Variants in LRRC2 observed in about 807,000 individuals in gnomAD.
LRRC2 encodes leucine-rich repeat-containing protein 2.
A neutral mutation model predicts 40.2 loss-of-function variants in LRRC2; 27 were observed. That is an observed-to-expected ratio of 0.67 (90% CI 0.49 to 0.93). The LOEUF is 0.93. Ranked by LOEUF, LRRC2 falls within the 40% of genes least tolerant of loss-of-function variation. The probability of loss-of-function intolerance (pLI) is 0.00; values close to 1 mark genes in which losing one functional copy is unlikely to be tolerated. For missense variants in LRRC2, 402 were observed against 439.6 expected (o/e 0.91, Z 0.76); for synonymous variants, 147 against 158.9 (o/e 0.92, Z 0.56).
rs991001304 is a variant in LRRC2, at chr3:46,516,040, A to C, written c.*2974T>G. 2 of 148,186 alleles carry C rather than the reference A, an allele frequency of 1.3e-5. No individual in the cohort carries two copies. The highest frequency in any genetic ancestry group is 2.6e-5 in the African/African-American group (1 of 39,196). 9.2% of individuals were successfully genotyped at this position (148,186 alleles called of 1,614,324 possible). A position where few individuals can be genotyped will look rare whatever the true frequency, so the allele number is the denominator to read the frequency against. ...AATGGTGGGATCTCAGCTTACTGCA[A>C]CCTCTGCTTCCTGGGTTCAAGCAAT... is the stretch of plus-strand genomic sequence containing the variant. On this transcript the variant is annotated 3_prime_UTR_variant, in exon 9 of 9. Transcript: ENST00000395905.
Position 46,519,040 on chromosome 3 carries a change from T to C in LRRC2, c.1090A>G (p.Lys364Glu). The change falls in exon 9 of 9, where the codon AAA (lysine) becomes GAA (glutamate). Residue 364 changes from lysine to glutamate, a missense_variant. Physicochemically the swap from Lys to Glu is moderately conservative, Grantham distance 56 (BLOSUM62 1). Coordinates refer to ENST00000395905, the MANE Select transcript of LRRC2 (RefSeq NM_024512.5). The part of the protein sequence containing the change: ...ERESVPSYTT[K>E]VSFSLQL ...CAAAGTTGAAGGCTAAAAGACACTT[T>C]GGTGGTATAGCTGGGAACAGATTCT... 6.2e-7 allele frequency: 1 copy of C among 1,610,382 alleles called. No homozygotes were observed. The highest frequency in any genetic ancestry group is 8.5e-7 in the Non-Finnish European group (1 of 1,176,734).
At chr3:46,540,300 G>A (rs1424016345) in intron 3 of LRRC2, among the ~76,000 whole-genome samples, 2 of 152,136 alleles carry the variant, frequency 1.3e-5, no homozygotes, top group Non-Finnish European at 2.9e-5. Context: ...CAAGGCGGGT[G>A]AATCACCTGA....
chr3:46,519,092 A>G, intron 8 of LRRC2, 29 bp from the exon 9 acceptor site: 1 of 1,484,912 alleles, frequency 6.7e-7, no homozygotes, highest in Non-Finnish European at 9.4e-7. Flanking sequence ...AGTATGCTCA[A>G]TCATTCACCA....
intron 2 of LRRC2, among the ~76,000 whole-genome samples, chr3:46,546,678 A>G (rs574651182): frequency 4.6e-5 from 7 of 151,526 alleles, no homozygotes; most frequent in Non-Finnish European, 1.0e-4. Context: ...CAGTGGAGGG[A>G]CAACCCTCTC....
At chr3:46,519,229 C>T (rs546801484) in intron 8 of LRRC2, among the ~76,000 whole-genome samples, 166 bp from the exon 9 acceptor site, 1 of 125,144 alleles carries the variant, frequency 8.0e-6, no homozygotes, top group South Asian at 2.8e-4. Context: ...CATTTGTCAC[C>T]ATTAAGTAAG....
chr3:46,519,152 G>T, intron 8 of LRRC2, 89 bp from the exon 9 acceptor site: 1 of 849,092 alleles, frequency 1.2e-6, no homozygotes, highest in Non-Finnish European at 2.0e-6. Context: ...ATGAATGTAT[G>T]TCAATACACC....
At chr3:46,550,634 G>A (rs545401511) in intron 2 of LRRC2, among the ~76,000 whole-genome samples, 46 of 152,084 alleles carry the variant, frequency 3.0e-4, no homozygotes, top group Non-Finnish European at 2.2e-4. Context: ...CTTGTGATCC[G>A]CCTGCCTCGG....
At chr3:46,534,931 C>T (rs1020690813) in intron 4 of LRRC2, among the ~76,000 whole-genome samples, 1 of 152,170 alleles carries the variant, frequency 6.6e-6, no homozygotes, top group Non-Finnish European at 1.5e-5. Flanking sequence ...GCATCAGATC[C>T]TGCAGCTGAG....
At chr3:46,557,129 G>A (rs1159886610) in intron 1 of LRRC2, among the ~76,000 whole-genome samples, 3 of 152,158 alleles carry the variant, frequency 2.0e-5, no homozygotes, top group Non-Finnish European at 4.4e-5. Context: ...TGAAGTAACT[G>A]AAGAATCACA....
intron 1 of LRRC2, among the ~76,000 whole-genome samples, chr3:46,554,026 GT>G (rs112755431): frequency 1.3e-5 from 2 of 150,856 alleles, no homozygotes; most frequent in African/African-American, 2.4e-5. Flanking sequence ...TTTTTTTGTT[GT>G]TTTTTTTCCT....
intron 5 of LRRC2, among the ~76,000 whole-genome samples, chr3:46,530,512 G>A (rs4682820): frequency 0.12 from 19,016 of 152,148 alleles, 1,220 homozygotes; most frequent in African/African-American, 0.14. Context: ...CCCGGATAGC[G>A]GAGGTTGCAG....
At position 46,532,821 on chromosome 3, in the gene LRRC2, C is replaced by T. The variant is rs773953756; in HGVS notation, c.579G>A (p.Glu193=). The change falls in exon 5 of 9, where the codon GAG becomes GAA. Residue 193 remains glutamate (E), a synonymous_variant. Transcript: ENST00000395905. ...CTAGATTTCCAGAACAATCCAGTCT[C>T]TCTAGATTTTCACAATCTCCCAATT... is the stretch of plus-strand genomic sequence containing the variant. ...PPELGDCENL[E]RLDCSGNLEL... The T allele has an allele frequency of 1.9e-6, 3 of 1,613,954 alleles. No individual in the cohort carries two copies. Among genetic ancestry groups the T allele is most frequent in the Admixed American group, 1.7e-5 (1 of 60,018 alleles).
intron 5 of LRRC2, 88 bp from the exon 6 acceptor site, chr3:46,530,138 C>T (rs781437089): frequency 1.8e-6 from 2 of 1,086,818 alleles, no homozygotes; most frequent in African/African-American, 1.6e-5. Context: ...TATTTCTTCC[C>T]CAAAGGCATT....
At chr3:46,521,975 G>A (rs182611065) in intron 7 of LRRC2, among the ~76,000 whole-genome samples, 5 of 152,290 alleles carry the variant, frequency 3.3e-5, no homozygotes, top group Admixed American at 1.3e-4. Context: ...GCTGCATGTC[G>A]TCATGCAATG....
intron 3 of LRRC2, among the ~76,000 whole-genome samples, chr3:46,540,386 G>T (rs1327553806): frequency 6.6e-6 from 1 of 152,126 alleles, no homozygotes; most frequent in Non-Finnish European, 1.5e-5. Context: ...TTAGCTAGGT[G>T]TGGTGGCGTG....
chr3:46,554,168 C>T (rs1377160247), intron 1 of LRRC2, among the ~76,000 whole-genome samples: 4 of 152,036 alleles, frequency 2.6e-5, no homozygotes, highest in Admixed American at 6.5e-5. Flanking sequence ...TACAGACATG[C>T]GCCACTATGC....
chr3:46,538,997 C>T, intron 4 of LRRC2, 48 bp downstream of exon 4: 1 of 1,577,570 alleles, frequency 6.3e-7, no homozygotes, highest in Non-Finnish European at 8.6e-7. Context: ...CTGACAGCTG[C>T]CTGCTTAACA....
chr3:46,548,541 T>C (rs1308966604), intron 2 of LRRC2, among the ~76,000 whole-genome samples: 4 of 150,770 alleles, frequency 2.7e-5, no homozygotes, highest in Non-Finnish European at 4.4e-5. Flanking sequence ...AAATATGCAA[T>C]AAACATACAA....
Position 46,519,125 on chromosome 3 carries a change from G to A in LRRC2, c.1067-62C>T, listed in dbSNP as rs115049305. 46 of 1,124,116 alleles carry A rather than the reference G, an allele frequency of 4.1e-5. No homozygotes were observed. The African/African-American group carries it at 6.0e-4, about 15-fold the overall frequency. The allele number at this position is 1,124,116 out of a possible 1,614,324, so 69.6% of individuals were successfully genotyped here. A position where few individuals can be genotyped will look rare whatever the true frequency, so the allele number is the denominator to read the frequency against. ...CCATTTTATTATGAAATCTAGCTAC[G>A]TGCTATGACATACATAATGAATGTA... On this transcript the variant is annotated intron_variant, in intron 8 of 8. Coordinates refer to ENST00000395905, the MANE Select transcript of LRRC2 (RefSeq NM_024512.5).
Sources: gnomAD v4.1 joint callset for allele counts (sites outside exome capture counted in the v4.1 genomes callset) on GRCh38, gnomAD v4.1.1 for gene constraint, MANE v1.5 for transcripts, NCBI Gene and HGNC (gene_info 2026-07-23, HGNC 2026-07-21) for gene names.